Variants in WDR49 observed in about 807,000 individuals in gnomAD.
WDR49 encodes the protein cilia- and flagella-associated protein 337.
A neutral mutation model predicts 119.5 loss-of-function variants in WDR49; 107 were observed. The observed-to-expected ratio is 0.90, with a 90% CI of 0.77 to 1.05. The LOEUF (loss-of-function observed/expected upper bound fraction) is 1.05, where lower values mean the gene tolerates loss of function less well. Ranked by LOEUF, WDR49 falls within the 50% of genes least tolerant of loss-of-function variation. The pLI is 0.00. For missense variants in WDR49, 1,240 were observed against 1,220.5 expected, an observed-to-expected ratio of 1.02 and a Z score of -0.24; for synonymous variants, 425 against 418.8, an observed-to-expected ratio of 1.01 and a Z score of -0.18.
chr3:167,530,115 G>T (rs1173306407), intron 13 of WDR49, among the ~76,000 whole-genome samples: 1 of 151,972 alleles, frequency 6.6e-6, no homozygotes. Flanking sequence ...GAAAGTTTTA[G>T]AATCTAATTG....
chr3:167,559,430 T>TA (rs1193756054), intron 9 of WDR49, among the ~76,000 whole-genome samples: 2 of 152,192 alleles, frequency 1.3e-5, no homozygotes, highest in Non-Finnish European at 2.9e-5. Flanking sequence ...ATCAAGTATC[T>TA]AGTTTTTCAT....
chr3:167,647,743 T>C (rs1404597119), intron 2 of WDR49, among the ~76,000 whole-genome samples: 8 of 152,208 alleles, frequency 5.3e-5, no homozygotes, highest in Non-Finnish European at 1.0e-4. Flanking sequence ...CTTTTTACTA[T>C]ATACAGGTGA....
chr3:167,550,139 C>A (rs1395307753), intron 10 of WDR49, among the ~76,000 whole-genome samples: 4 of 152,126 alleles, frequency 2.6e-5, no homozygotes, highest in African/African-American at 7.2e-5. Flanking sequence ...ATGCCTCCAG[C>A]TTTGTTCTTT....
At chr3:167,613,110 G>A (rs368801021) in intron 5 of WDR49, among the ~76,000 whole-genome samples, 3 of 152,028 alleles carry the variant, frequency 2.0e-5, no homozygotes, top group African/African-American at 7.2e-5. Flanking sequence ...CAGTCCCCAG[G>A]TTGTACTTAT....
At chr3:167,623,456 G>A (rs1478016805) in intron 3 of WDR49, among the ~76,000 whole-genome samples, 1 of 152,006 alleles carries the variant, frequency 6.6e-6, no homozygotes, top group East Asian at 1.9e-4. Context: ...AATCTTAGTA[G>A]ATGCAAACAA....
intron 17 of WDR49, among the ~76,000 whole-genome samples, chr3:167,503,063 C>T (rs776061112): frequency 1.4e-4 from 21 of 152,194 alleles, no homozygotes; most frequent in Admixed American, 2.0e-4. Context: ...AAGGAATACA[C>T]CACTGTTCTC....
chr3:167,627,050 TGG>T lies in WDR49; in HGVS notation c.406_407del (p.Pro136SerfsTer23). On this transcript the variant is annotated frameshift_variant, in exon 3 of 19. Transcript: ENST00000682715. LOFTEE classifies it high-confidence loss of function. ...VPQWKDLEFLPVKHKDTIQKV... is the reference protein window; with the variant it reads ...VPQWKDLEFLXVKHKDTIQKV... ...TTTGAATGGTGTCCTTGTGTTTTAC[TGG>T]GAGGAATTCAAGGTCCTTCCACTGG... The T allele has an allele frequency of 7.6e-7, 1 of 1,314,700 alleles. No individual in the cohort carries two copies. Among genetic ancestry groups the T allele is most frequent in the Non-Finnish European group, 9.7e-7 (1 of 1,032,714 alleles). 81.4% of individuals were successfully genotyped at this position (1,314,700 alleles called of 1,614,324 possible). A position where few individuals can be genotyped will look rare whatever the true frequency, so the allele number is the denominator to read the frequency against.
At chr3:167,518,929 G>GAA (rs537926194) in intron 16 of WDR49, among the ~76,000 whole-genome samples, 1 of 132,832 alleles carries the variant, frequency 7.5e-6, no homozygotes, top group Non-Finnish European at 1.6e-5. Flanking sequence ...AAATTTACAA[G>GAA]AAAAAAAAAA....
chr3:167,533,420 C>G (rs1049381095), intron 11 of WDR49, among the ~76,000 whole-genome samples: 1 of 152,040 alleles, frequency 6.6e-6, no homozygotes, highest in Non-Finnish European at 1.5e-5. Flanking sequence ...TACAATAGCA[C>G]TGAGCATATT....
At chr3:167,632,401 A>G (rs576702625) in intron 2 of WDR49, among the ~76,000 whole-genome samples, 27 of 152,078 alleles carry the variant, frequency 1.8e-4, no homozygotes, top group Non-Finnish European at 3.1e-4. Flanking sequence ...CTGGGGAAAG[A>G]GACAAGAAAT....
intron 10 of WDR49, among the ~76,000 whole-genome samples, chr3:167,554,359 T>C (rs1712788162): frequency 1.3e-5 from 2 of 152,160 alleles, no homozygotes; most frequent in Admixed American, 6.6e-5. Context: ...TAAGAATTGA[T>C]TGACTATAAA....
At chr3:167,615,131 G>A (rs1716531979) in intron 5 of WDR49, among the ~76,000 whole-genome samples, 1 of 152,184 alleles carries the variant, frequency 6.6e-6, no homozygotes, top group Non-Finnish European at 1.5e-5. Context: ...TCTAAGAAAA[G>A]GCATTCTTTC....
chr3:167,480,853 T>C (rs1197547084), intron 18 of WDR49, among the ~76,000 whole-genome samples: 1 of 152,098 alleles, frequency 6.6e-6, no homozygotes, highest in Non-Finnish European at 1.5e-5. Flanking sequence ...ATCCCTTATA[T>C]ACATGGATGC....
intron 10 of WDR49, among the ~76,000 whole-genome samples, chr3:167,549,996 A>G (rs1342641740): frequency 6.6e-6 from 1 of 152,150 alleles, no homozygotes; most frequent in Non-Finnish European, 1.5e-5. Context: ...CAAAGATCAG[A>G]TGGTTGTAGA....
At chr3:167,500,546 A>G (rs1751523690) in intron 17 of WDR49, among the ~76,000 whole-genome samples, 1 of 151,898 alleles carries the variant, frequency 6.6e-6, no homozygotes, top group Non-Finnish European at 1.5e-5. Context: ...TTTATTTTGT[A>G]TTTTTCTGCT....
chr3:167,529,319 G>GA, intron 13 of WDR49, 80 bp from the exon 14 acceptor site: 1 of 1,326,578 alleles, frequency 7.5e-7, no homozygotes, highest in Non-Finnish European at 1.0e-6. Context: ...TTTCCCTGTG[G>GA]AAAGCATGTG....
chr3:167,560,347 C>A (rs1713193129), intron 8 of WDR49, 119 bp from the exon 9 acceptor site: 6 of 1,032,074 alleles, frequency 5.8e-6, no homozygotes, highest in Non-Finnish European at 8.2e-6. Flanking sequence ...CAGTCAGAGA[C>A]ATTTTTGTAA....
intron 7 of WDR49, among the ~76,000 whole-genome samples, chr3:167,588,466 C>A (rs1226156991): frequency 6.6e-6 from 1 of 152,076 alleles, no homozygotes; most frequent in East Asian, 1.9e-4. Flanking sequence ...GGGGTATATA[C>A]CTAGTAGTGG....
chr3:167,654,349 A>C (rs1424882106), upstream of WDR49, among the ~76,000 whole-genome samples: 1 of 152,214 alleles, frequency 6.6e-6, no homozygotes, highest in Non-Finnish European at 1.5e-5. Context: ...TGGTTCAAAA[A>C]AGCTTCCAAC....
Sources: gnomAD v4.1 joint callset for allele counts (sites outside exome capture counted in the v4.1 genomes callset) on GRCh38, gnomAD v4.1.1 for gene constraint, MANE v1.5 for transcripts, NCBI Gene and HGNC (gene_info 2026-07-23, HGNC 2026-07-21) for gene names.